Variants in ARHGAP25 observed in about 807,000 individuals in gnomAD.
ARHGAP25 encodes rho GTPase-activating protein 25.
Under a neutral mutation model 71.0 loss-of-function variants are expected in ARHGAP25, and 34 were observed. The ratio of observed to expected loss-of-function variants is 0.48; its 90% CI spans 0.36 to 0.64. The LOEUF (loss-of-function observed/expected upper bound fraction) is 0.64. ARHGAP25 is among the 30% of genes least tolerant of loss of function. ARHGAP25 has a pLI of 0.00. For synonymous variants in ARHGAP25, 282 were observed against 296.5 expected, an observed-to-expected ratio of 0.95 and a Z score of 0.50; for missense variants, 706 against 805.1, an observed-to-expected ratio of 0.88 and a Z score of 1.49.
At chr2:68,721,210 C>G (rs1228476202) in intron 2 of ARHGAP25, among the ~76,000 whole-genome samples, 1 of 152,114 alleles carries the variant, frequency 6.6e-6, no homozygotes, top group Non-Finnish European at 1.5e-5. Flanking sequence ...GTTGGTGACG[C>G]CTTTTATGAA....
chr2:68,819,823 T>C, intron 9 of ARHGAP25: 1 of 256,800 alleles, frequency 3.9e-6, no homozygotes, highest in Middle Eastern at 1.2e-3. Flanking sequence ...GCTGAAGGGT[T>C]GAAACTCACG....
intron 1 of ARHGAP25, among the ~76,000 whole-genome samples, chr2:68,760,936 T>C (rs1428227278): frequency 6.6e-6 from 1 of 150,502 alleles, no homozygotes; most frequent in African/African-American, 2.4e-5. Context: ...AATCACATAA[T>C]TCAAAAATTA....
At chr2:68,792,013 G>A (rs372896209) in intron 4 of ARHGAP25, among the ~76,000 whole-genome samples, 17 of 152,190 alleles carry the variant, frequency 1.1e-4, no homozygotes, top group African/African-American at 4.1e-4. Context: ...CTTCCTTTTA[G>A]TAAGGCAGGC....
intron 1 of ARHGAP25, among the ~76,000 whole-genome samples, chr2:68,735,860 A>G (rs1304028371): frequency 6.6e-6 from 1 of 152,200 alleles, no homozygotes; most frequent in Non-Finnish European, 1.5e-5. Flanking sequence ...TTATTATTTT[A>G]AGGGAGACTG....
In ARHGAP25 at chr2:68,807,335, G is replaced by C; in HGVS notation, c.529G>C (p.Val177Leu). ...TGAACAGAAATTCGGCCCCCATCTG[G>C]TGCCCATCCTGGTGGAGAAATGTGC... ...AYEQKFGPHL[V>L]PILVEKCAEF... Residue 177 changes from valine to leucine, a missense_variant, in exon 5 of 11, where the codon GTG becomes CTG. Val to Leu is a conservative substitution (Grantham distance 32). Coordinates refer to ENST00000409202, the MANE Select transcript of ARHGAP25 (RefSeq NM_001007231.3). 1 of 1,614,238 alleles carries C rather than the reference G, an allele frequency of 6.2e-7. No homozygotes were observed. Among genetic ancestry groups the C allele is most frequent in the Non-Finnish European group, 8.5e-7 (1 of 1,180,042 alleles).
intron 2 of ARHGAP25, among the ~76,000 whole-genome samples, chr2:68,724,783 C>T (rs1390923539): frequency 2.0e-5 from 3 of 152,274 alleles, no homozygotes; most frequent in Non-Finnish European, 2.9e-5. Context: ...GGGACCTTCT[C>T]CTTTCCATTT....
chr2:68,793,077 C>T (rs536977333), intron 4 of ARHGAP25, among the ~76,000 whole-genome samples: 69 of 151,992 alleles, frequency 4.5e-4, no homozygotes, highest in South Asian at 3.5e-3. Flanking sequence ...TGTCTTCTTT[C>T]GCAAATTGTC....
intron 1 of ARHGAP25, among the ~76,000 whole-genome samples, chr2:68,752,594 C>A (rs79657080): frequency 0.04 from 6,116 of 152,186 alleles, 385 homozygotes; most frequent in African/African-American, 0.14. Context: ...CCAACTAGAG[C>A]AGAATGAACA....
intron 1 of ARHGAP25, among the ~76,000 whole-genome samples, chr2:68,748,936 TCTG>T (rs1177796745): frequency 6.6e-6 from 1 of 152,160 alleles, no homozygotes; most frequent in Non-Finnish European, 1.5e-5. Flanking sequence ...GAAAAGTAGC[TCTG>T]CTCAGGAATC....
chr2:68,796,562 C>G (rs1447582595), intron 4 of ARHGAP25, among the ~76,000 whole-genome samples: 1 of 152,104 alleles, frequency 6.6e-6, no homozygotes, highest in East Asian at 1.9e-4. Context: ...GACTTTGCTT[C>G]TTAGTGTGTG....
Position 68,787,850 on chromosome 2 carries a change from C to A in ARHGAP25, c.360C>A (p.Asp120Glu). 1 of 1,614,062 alleles carries A rather than the reference C, an allele frequency of 6.2e-7. No homozygotes were observed. Among genetic ancestry groups the A allele is most frequent in the Non-Finnish European group, 8.5e-7 (1 of 1,179,910 alleles). The change falls in exon 4 of 11, where the codon GAC (aspartate) becomes GAA (glutamate). Residue 120 changes from aspartate (D) to glutamate (E), a missense_variant. Transcript: ENST00000409202. ...FVFEIIPASW[D>E]QNRMGQDSYV... Reference sequence around the variant, plus strand: ...TAATTCTTCCTCCAGCCTCATGGGACCAGAATCGCATGGGACAGGACTCCT... The same window carrying A: ...TAATTCTTCCTCCAGCCTCATGGGAACAGAATCGCATGGGACAGGACTCCT...
At chr2:68,800,149 C>T (rs1395648139) in intron 4 of ARHGAP25, among the ~76,000 whole-genome samples, 1 of 151,778 alleles carries the variant, frequency 6.6e-6, no homozygotes, top group African/African-American at 2.4e-5. Context: ...GGAACTGATA[C>T]CCTGGGAAGG....
chr2:68,712,891 A>G (rs892914878), intron 2 of ARHGAP25, among the ~76,000 whole-genome samples: 1 of 152,148 alleles, frequency 6.6e-6, no homozygotes, highest in African/African-American at 2.4e-5. Context: ...TACCAGTACC[A>G]TGTTGTTTTG....
chr2:68,796,669 T>C (rs1401310738), intron 4 of ARHGAP25, among the ~76,000 whole-genome samples: 1 of 152,184 alleles, frequency 6.6e-6, no homozygotes, highest in African/African-American at 2.4e-5. Context: ...TTGGTTACTT[T>C]TTCAGGTTTC....
At chr2:68,714,682 T>A (rs1674570234) in intron 2 of ARHGAP25, among the ~76,000 whole-genome samples, 2 of 152,238 alleles carry the variant, frequency 1.3e-5, no homozygotes, top group African/African-American at 4.8e-5. Context: ...TGGTATGTTG[T>A]GTCTTTGTTC....
chr2:68,826,105 C>T lies in ARHGAP25; in HGVS notation c.1852C>T (p.Arg618Trp), dbSNP rs207461842. 16 of 1,613,834 alleles carry T rather than the reference C, an allele frequency of 9.9e-6. No individual in the cohort carries two copies. Among genetic ancestry groups the T allele is most frequent in the East Asian group, 4.5e-5 (2 of 44,884 alleles). Residue 618 changes from arginine (R) to tryptophan (W), a missense_variant, in exon 11 of 11, where the codon CGG becomes TGG. By Grantham distance (101) the Arg-to-Trp change is moderately radical (BLOSUM62 -3). Transcript: ENST00000409202. ...CAGCCTCCGCAACATGGAGCGCTCC[C>T]GGGAGGATGTTGAGAAGAGGAACAA... ...EISLRNMERSREDVEKRNKAL... is the reference protein window; with the variant it reads ...EISLRNMERSWEDVEKRNKAL...
intron 2 of ARHGAP25, among the ~76,000 whole-genome samples, chr2:68,777,505 TCTC>T (rs1678009949): frequency 6.6e-6 from 1 of 152,220 alleles, no homozygotes; most frequent in African/African-American, 2.4e-5. Context: ...GGTTCTTGCT[TCTC>T]CTCCTTACTT....
At chr2:68,723,041 C>T (rs1674800247) in intron 2 of ARHGAP25, among the ~76,000 whole-genome samples, 2 of 152,168 alleles carry the variant, frequency 1.3e-5, no homozygotes, top group South Asian at 4.1e-4. Flanking sequence ...CTCTGTTTTG[C>T]TTCTTGAACC....
intron 1 of ARHGAP25, among the ~76,000 whole-genome samples, chr2:68,762,560 G>A (rs1676892424): frequency 5.9e-5 from 9 of 152,054 alleles, no homozygotes; most frequent in Admixed American, 5.2e-4. Context: ...CTGGGGTCCC[G>A]GTGTTAGCCT....
Sources: gnomAD v4.1 joint callset for allele counts (sites outside exome capture counted in the v4.1 genomes callset) on GRCh38, gnomAD v4.1.1 for gene constraint, MANE v1.5 for transcripts, NCBI Gene and HGNC (gene_info 2026-07-23, HGNC 2026-07-21) for gene names.